The following CLYBL variants were observed in gnomAD, a reference collection of about 807,000 sequenced individuals.
The protein encoded by CLYBL is citramalyl-CoA lyase, mitochondrial.
CLYBL carries 31 observed loss-of-function variants against 38.9 expected under a neutral mutation model. The ratio of observed to expected loss-of-function variants is 0.80; its 90% confidence interval spans 0.60 to 1.08. The LOEUF (loss-of-function observed/expected upper bound fraction) is 1.08. Ranked by LOEUF, CLYBL falls within the 50% of genes least tolerant of loss-of-function variation. The pLI is 0.00. For missense variants in CLYBL, 434 were observed against 411.6 expected (o/e 1.05, Z -0.47); for synonymous variants, 171 against 158.6 (o/e 1.08, Z -0.59).
chr13:99,835,507 G>T (rs1193093864), intron 2 of CLYBL, among the ~76,000 whole-genome samples: 1 of 152,184 alleles, frequency 6.6e-6, no homozygotes, highest in Non-Finnish European at 1.5e-5. Flanking sequence ...CACCACTTCT[G>T]TTCCATTCGC....
intron 6 of CLYBL, among the ~76,000 whole-genome samples, chr13:99,868,055 A>G (rs1257935614): frequency 6.6e-6 from 1 of 151,960 alleles, no homozygotes; most frequent in Non-Finnish European, 1.5e-5. Flanking sequence ...ACCTGGCACT[A>G]TTGTTTCTCC....
At chr13:99,712,583 A>G (rs1289180776) in intron 1 of CLYBL, among the ~76,000 whole-genome samples, 1 of 151,838 alleles carries the variant, frequency 6.6e-6, no homozygotes, top group Non-Finnish European at 1.5e-5. Flanking sequence ...CTGGAGCTCA[A>G]GAATCTCCCT....
In CLYBL at chr13:99,865,033, A is replaced by C. The variant is rs757163916; in HGVS notation, c.634+122A>C. 1.0e-5 allele frequency: 8 copies of C among 768,170 alleles called. No homozygotes were observed. The highest frequency in any genetic ancestry group is 1.0e-4 in the South Asian group (7 of 70,106). The allele number at this position is 768,170 out of a possible 1,614,324, so 47.6% of individuals were successfully genotyped here. A position where few individuals can be genotyped will look rare whatever the true frequency, so the allele number is the denominator to read the frequency against. ...ACAATGTATATTTGCCAACCATGAC[A>C]ATGGTTTTTCATGACAATGGAATGG... On this transcript the variant is annotated intron_variant, in intron 5 of 8. Coordinates refer to ENST00000339105, the MANE Select transcript of CLYBL (RefSeq NM_206808.5). The surrounding 1 kb of genome is among the most constrained non-coding windows in gnomAD (Gnocchi z 4.7).
At chr13:99,760,525 A>G (rs1594164958) in intron 1 of CLYBL, among the ~76,000 whole-genome samples, 1 of 152,334 alleles carries the variant, frequency 6.6e-6, no homozygotes, top group East Asian at 1.9e-4. Flanking sequence ...AAATCTGGGA[A>G]TGTCTGAATT....
At chr13:99,860,477 G>T (rs1448369426) in intron 3 of CLYBL, among the ~76,000 whole-genome samples, 1 of 152,204 alleles carries the variant, frequency 6.6e-6, no homozygotes, top group Non-Finnish European at 1.5e-5. Flanking sequence ...GAAGCTGGGA[G>T]ATACTAGTTA....
At chr13:99,692,220 C>T (rs2047913629) in intron 1 of CLYBL, among the ~76,000 whole-genome samples, 1 of 152,052 alleles carries the variant, frequency 6.6e-6, no homozygotes, top group Non-Finnish European at 1.5e-5. Flanking sequence ...CCTCCCATTG[C>T]ATTTAAAAAT....
chr13:99,880,918 G>A (rs1285800360), intron 7 of CLYBL, among the ~76,000 whole-genome samples: 1 of 152,226 alleles, frequency 6.6e-6, no homozygotes, highest in Non-Finnish European at 1.5e-5. Flanking sequence ...CCAGGGTGCA[G>A]AATCCTCCCA....
chr13:99,705,921 A>G (rs531686410), intron 1 of CLYBL, among the ~76,000 whole-genome samples: 3 of 147,312 alleles, frequency 2.0e-5, no homozygotes, highest in Admixed American at 6.8e-5. Flanking sequence ...TTTTGCCCCA[A>G]TTTTTTTTTT....
intron 4 of CLYBL, among the ~76,000 whole-genome samples, chr13:99,864,462 C>T (rs7333886): frequency 0.22 from 34,065 of 152,002 alleles, 4,145 homozygotes; most frequent in Middle Eastern, 0.27. Flanking sequence ...CTTCCTTCTC[C>T]CCTGTGGTTT....
At chr13:99,730,042 C>A (rs539684633) in intron 1 of CLYBL, among the ~76,000 whole-genome samples, 1 of 147,738 alleles carries the variant, frequency 6.8e-6, no homozygotes, top group South Asian at 2.2e-4. Flanking sequence ...TCAGCGTGGC[C>A]GGTGCCTCCA....
chr13:99,884,932 A>C, intron 7 of CLYBL: 3 of 470,686 alleles, frequency 6.4e-6, no homozygotes, highest in South Asian at 4.7e-5. Flanking sequence ...AAAGAAAAAG[A>C]GTGACCCAAA....
intron 1 of CLYBL, among the ~76,000 whole-genome samples, chr13:99,644,274 A>G (rs1447066045): frequency 6.6e-6 from 1 of 152,084 alleles, no homozygotes; most frequent in Non-Finnish European, 1.5e-5. Context: ...TATATGGTGT[A>G]TGTATGCATG....
chr13:99,762,649 CAG>C (rs888247605), intron 1 of CLYBL, among the ~76,000 whole-genome samples: 2 of 152,182 alleles, frequency 1.3e-5, no homozygotes, highest in East Asian at 1.9e-4. Flanking sequence ...TTTGACTATT[CAG>C]AGTCTCTTGT....
intron 7 of CLYBL, chr13:99,884,888 G>A: frequency 2.3e-6 from 1 of 442,822 alleles, no homozygotes; most frequent in Non-Finnish European, 4.7e-6. Context: ...GCTTTGCCCA[G>A]ACAACTACAG....
Position 99,773,004 on chromosome 13 carries a change from CAA to C in CLYBL, c.247_248del (p.Lys83GlufsTer2). 1 of 1,603,912 alleles carries C rather than the reference CAA, an allele frequency of 6.2e-7. No homozygotes were observed. Among genetic ancestry groups the C allele is most frequent in the Non-Finnish European group, 8.5e-7 (1 of 1,177,322 alleles). On this transcript the variant is annotated frameshift_variant, in exon 2 of 9. Coordinates refer to ENST00000339105, the MANE Select transcript of CLYBL (RefSeq NM_206808.5). LOFTEE classifies it high-confidence loss of function. ...ACTGTGAGGATGGAGTGGCTGCAAA[CAA>C]AAAGGTAATGGCATGATTTTAGTAT... ...LDCEDGVAAN[K>X]KNEARLRIVK... is the part of the protein sequence containing the mutation.
chr13:99,795,460 C>A (rs1217614767), intron 2 of CLYBL, among the ~76,000 whole-genome samples: 1 of 152,016 alleles, frequency 6.6e-6, no homozygotes, highest in Non-Finnish European at 1.5e-5. Flanking sequence ...TCAAGATCAG[C>A]CTGGGCAACA....
chr13:99,681,768 G>A (rs2047737912), intron 1 of CLYBL, among the ~76,000 whole-genome samples: 1 of 151,994 alleles, frequency 6.6e-6, no homozygotes, highest in Non-Finnish European at 1.5e-5. Context: ...TGTATTTTTA[G>A]CAGAGACGGG....
chr13:99,877,142 A>G (rs1388286637), intron 7 of CLYBL, among the ~76,000 whole-genome samples: 3 of 152,206 alleles, frequency 2.0e-5, no homozygotes, highest in Non-Finnish European at 4.4e-5. Context: ...CAGAGAGGCC[A>G]TATTTACTCC....
At chr13:99,706,994 G>A (rs948132893) in intron 1 of CLYBL, among the ~76,000 whole-genome samples, 136 of 151,970 alleles carry the variant, frequency 8.9e-4, no homozygotes, top group African/African-American at 3.1e-3. Flanking sequence ...TTGTAGAGAC[G>A]GATCCTGCTG....
Sources: gnomAD v4.1 joint callset for allele counts (sites outside exome capture counted in the v4.1 genomes callset) on GRCh38, gnomAD v4.1.1 for gene constraint, Gnocchi (gnomAD v3.1) non-coding constraint, MANE v1.5 for transcripts, NCBI Gene and HGNC (gene_info 2026-07-23, HGNC 2026-07-21) for gene names.